MAD1L1: variants seen among roughly 807,000 people sequenced by gnomAD.
MAD1L1 encodes mitotic spindle assembly checkpoint protein MAD1.
MAD1L1 carries 95 observed loss-of-function variants against 96.9 expected under a neutral mutation model. That is an observed-to-expected ratio of 0.98 (90% CI 0.83 to 1.16). MAD1L1 has a LOEUF of 1.16. MAD1L1 is among the 50% of genes most tolerant of loss of function. The probability of loss-of-function intolerance (pLI) is 0.00; values close to 1 mark genes in which losing one functional copy is unlikely to be tolerated. For synonymous variants in MAD1L1, 473 were observed against 396.6 expected (o/e 1.19, Z -2.29); for missense variants, 1,007 against 954.4 (o/e 1.06, Z -0.73).
chr7:1,888,348 ATG>A (rs1254263993), intron 18 of MAD1L1, among the ~76,000 whole-genome samples: 62 of 121,508 alleles, frequency 5.1e-4, no homozygotes, highest in Non-Finnish European at 3.6e-5. Flanking sequence ...CTGCCTGTGC[ATG>A]TGTGTGCATG....
chr7:1,886,366 G>A (rs1343756828), intron 18 of MAD1L1, among the ~76,000 whole-genome samples: 3 of 152,238 alleles, frequency 2.0e-5, no homozygotes, highest in African/African-American at 4.8e-5. Context: ...CCAAGGTCAT[G>A]TCTACACCCG....
intron 18 of MAD1L1, chr7:1,847,444 C>T (rs1028422004): frequency 4.2e-6 from 2 of 470,818 alleles, no homozygotes; most frequent in African/African-American, 4.0e-5. Flanking sequence ...GAGACCTCTA[C>T]CCTTTAGCTG....
chr7:2,202,971 T>C (rs991850432), intron 10 of MAD1L1, among the ~76,000 whole-genome samples: 2 of 152,184 alleles, frequency 1.3e-5, no homozygotes, highest in Non-Finnish European at 2.9e-5. Context: ...CTACAGGGGA[T>C]GGGTCAGCAG....
intron 11 of MAD1L1, among the ~76,000 whole-genome samples, chr7:2,123,970 G>A (rs1057430252): frequency 6.4e-5 from 7 of 109,766 alleles, no homozygotes; most frequent in East Asian, 4.7e-4. Context: ...AGCAAGGGGC[G>A]GGGGCTTAGG....
intron 18 of MAD1L1, among the ~76,000 whole-genome samples, chr7:1,818,528 G>A (rs1411542531): frequency 6.6e-6 from 1 of 152,006 alleles, no homozygotes; most frequent in Non-Finnish European, 1.5e-5. Flanking sequence ...ACAGGCATGT[G>A]CCAGCACACC....
intron 12 of MAD1L1, among the ~76,000 whole-genome samples, chr7:2,021,897 A>G (rs1584106676): frequency 1.3e-5 from 2 of 152,218 alleles, no homozygotes; most frequent in African/African-American, 4.8e-5. Context: ...TCAGAAACTC[A>G]GATCTATGTG....
At chr7:2,222,893 G>T in intron 4 of MAD1L1, 139 bp from the exon 5 acceptor site, 1 of 655,626 alleles carries the variant, frequency 1.5e-6, no homozygotes, top group Non-Finnish European at 2.5e-6. Context: ...GTCATAGGCA[G>T]AACCAGGACG....
At chr7:2,136,387 G>A (rs570217425) in intron 11 of MAD1L1, among the ~76,000 whole-genome samples, 1 of 152,104 alleles carries the variant, frequency 6.6e-6, no homozygotes, top group African/African-American at 2.4e-5. Context: ...GAGGCTCCCC[G>A]CCAGCAGGCA....
chr7:2,109,715 T>C (rs1243925644), intron 11 of MAD1L1: 1 of 152,244 alleles, frequency 6.6e-6, no homozygotes, highest in Non-Finnish European at 1.5e-5. Context: ...TTTAGAAACC[T>C]CTAAATAAAA....
At chr7:1,917,431 T>C (rs1223345484) in intron 17 of MAD1L1, among the ~76,000 whole-genome samples, 2 of 151,938 alleles carry the variant, frequency 1.3e-5, no homozygotes, top group Non-Finnish European at 2.9e-5. Flanking sequence ...AGGGCGCACC[T>C]CCCCTCCAGA....
intron 11 of MAD1L1, among the ~76,000 whole-genome samples, chr7:2,089,695 C>T (rs886624834): frequency 5.4e-5 from 8 of 149,404 alleles, no homozygotes; most frequent in African/African-American, 1.5e-4. Flanking sequence ...TCACGTGCAT[C>T]GTGTTTAATC....
chr7:2,168,512 C>A (rs922844666), intron 10 of MAD1L1, among the ~76,000 whole-genome samples: 1 of 152,268 alleles, frequency 6.6e-6, no homozygotes, highest in African/African-American at 2.4e-5. Flanking sequence ...GTGGCCCCAG[C>A]TGGTCCCTGG....
chr7:2,039,185 A>G (rs554106176), intron 12 of MAD1L1, among the ~76,000 whole-genome samples: 1 of 152,308 alleles, frequency 6.6e-6, no homozygotes, highest in East Asian at 1.9e-4. Context: ...CTATTCAAGT[A>G]TGTTTATCCA....
intron 11 of MAD1L1, among the ~76,000 whole-genome samples, chr7:2,137,923 G>A (rs1788830673): frequency 6.6e-6 from 1 of 152,184 alleles, no homozygotes; most frequent in Non-Finnish European, 1.5e-5. Context: ...GCGTTTCTGT[G>A]CCGACGGTGC....
At chr7:1,993,468 A>G (rs1781434799) in intron 14 of MAD1L1, among the ~76,000 whole-genome samples, 1 of 152,060 alleles carries the variant, frequency 6.6e-6, no homozygotes, top group African/African-American at 2.4e-5. Context: ...AATAACACAA[A>G]GGTCACGACG....
chr7:2,099,793 G>T (rs547289577), intron 11 of MAD1L1, among the ~76,000 whole-genome samples: 106 of 152,372 alleles, frequency 7.0e-4, no homozygotes, highest in African/African-American at 2.5e-3. Flanking sequence ...AGGAGCCCCT[G>T]GTAGGCCATT....
chr7:1,928,712 C>A (rs990994977), intron 17 of MAD1L1, among the ~76,000 whole-genome samples: 2 of 152,228 alleles, frequency 1.3e-5, no homozygotes, highest in Admixed American at 1.3e-4. Context: ...CAAACAGAGG[C>A]GTGGGCAGGT....
chr7:2,062,949 G>T (rs1393187741), intron 12 of MAD1L1, among the ~76,000 whole-genome samples: 1 of 152,174 alleles, frequency 6.6e-6, no homozygotes, highest in Non-Finnish European at 1.5e-5. Flanking sequence ...ACAAAGAGAA[G>T]CCACAGAAGC....
chr7:1,883,243 C>T (rs1444366018), intron 18 of MAD1L1, among the ~76,000 whole-genome samples: 1 of 152,192 alleles, frequency 6.6e-6, no homozygotes, highest in East Asian at 1.9e-4. Flanking sequence ...CCCCAGGAAC[C>T]CAAACTACCA....
Sources: gnomAD v4.1 joint callset for allele counts (sites outside exome capture counted in the v4.1 genomes callset) on GRCh38, gnomAD v4.1.1 for gene constraint, MANE v1.5 for transcripts, NCBI Gene and HGNC (gene_info 2026-07-23, HGNC 2026-07-21) for gene names.